GULP1: variants seen among roughly 807,000 people sequenced by gnomAD.
GULP1 encodes GULP PTB domain containing engulfment adaptor 1.
In GULP1, 19 loss-of-function variants were observed where a neutral mutation model predicts 40.9. That is an observed-to-expected ratio of 0.46 (90% CI 0.32 to 0.68). The LOEUF is 0.68. GULP1 is among the 30% of genes least tolerant of loss of function. GULP1 has a pLI of 0.03. For synonymous variants in GULP1, 119 were observed against 117.6 expected (o/e 1.01, Z -0.08); for missense variants, 312 against 362.2 (o/e 0.86, Z 1.12).
intron 1 of GULP1, among the ~76,000 whole-genome samples, chr2:188,311,626 CA>C (rs2038120011): frequency 6.6e-6 from 1 of 151,502 alleles, no homozygotes; most frequent in Non-Finnish European, 1.5e-5. Context: ...CCAATTTTAA[CA>C]AAATTGATTT....
chr2:188,339,010 A>G (rs1456260997), intron 1 of GULP1, among the ~76,000 whole-genome samples: 1 of 152,196 alleles, frequency 6.6e-6, no homozygotes, highest in Non-Finnish European at 1.5e-5. Flanking sequence ...GATGACTACT[A>G]GCAAAGAAAA....
At chr2:188,520,394 G>A (rs905765334) in intron 4 of GULP1, among the ~76,000 whole-genome samples, 1 of 151,922 alleles carries the variant, frequency 6.6e-6, no homozygotes, top group African/African-American at 2.4e-5. Context: ...AAATTACATG[G>A]GCGTGGTGGC....
At chr2:188,315,856 C>T (rs184289250) in intron 1 of GULP1, among the ~76,000 whole-genome samples, 1 of 152,154 alleles carries the variant, frequency 6.6e-6, no homozygotes, top group South Asian at 2.1e-4. Context: ...CTCTCTCGGT[C>T]TCTCAAAATA....
intron 2 of GULP1, among the ~76,000 whole-genome samples, chr2:188,475,077 C>T (rs376934882): frequency 2.0e-4 from 31 of 152,202 alleles, no homozygotes; most frequent in African/African-American, 7.0e-4. Context: ...CCTAGTGTCA[C>T]GTATTGTATT....
chr2:188,293,729 A>G (rs2034311425), intron 1 of GULP1: 1 of 152,204 alleles, frequency 6.6e-6, no homozygotes, highest in African/African-American at 2.4e-5. Context: ...CTGCATAATT[A>G]AAGGTCTCCT....
intron 2 of GULP1, among the ~76,000 whole-genome samples, chr2:188,417,507 AT>A (rs1434669676): frequency 2.6e-5 from 4 of 152,236 alleles, no homozygotes; most frequent in African/African-American, 4.8e-5. Context: ...CAGGAAAAAA[AT>A]ATATCACTAT....
At chr2:188,571,682 C>T (rs991757077) in intron 9 of GULP1, among the ~76,000 whole-genome samples, 3 of 152,204 alleles carry the variant, frequency 2.0e-5, no homozygotes, top group African/African-American at 7.2e-5. Flanking sequence ...CATTATTCAA[C>T]CTTCCATCCC....
chr2:188,595,112 A>G lies in GULP1; in HGVS notation c.*1101A>G, dbSNP rs1306202915. The G allele has an allele frequency of 6.6e-6, 1 of 150,834 alleles. No homozygotes were observed. The highest frequency in any genetic ancestry group is 6.6e-5 in the Admixed American group (1 of 15,086). The allele number at this position is 150,834 out of a possible 1,614,324, so 9.3% of individuals were successfully genotyped here. On this transcript the variant is annotated 3_prime_UTR_variant, in exon 12 of 12. Coordinates refer to ENST00000409830, the MANE Select transcript of GULP1 (RefSeq NM_016315.4). ...CTCAGTTTAGTCTTGAACATGAGCAATAAAATTCTCTTGCATTTCATTATT... is the reference window on the plus strand; with the variant it reads ...CTCAGTTTAGTCTTGAACATGAGCAGTAAAATTCTCTTGCATTTCATTATT...
intron 2 of GULP1, among the ~76,000 whole-genome samples, chr2:188,406,321 G>A (rs891255005): frequency 1.3e-5 from 2 of 152,132 alleles, no homozygotes; most frequent in Non-Finnish European, 2.9e-5. Flanking sequence ...AAGAGGTACA[G>A]TGAAAATACT....
Position 188,480,351 on chromosome 2 carries a change from T to C in GULP1, c.28+2621T>C, listed in dbSNP as rs569807572. Among the ~76,000 whole-genome samples, 8 of 152,134 alleles carry C rather than the reference T, an allele frequency of 5.3e-5. 1 individual carries two copies. The South Asian group carries it at 1.5e-3, about 28-fold the overall frequency. Reference sequence around the variant, plus strand: ...ATCAGTAAAAGCTTATCTCTTTATTTCATAGATACCCAATATACTTGGCCA... The same window carrying C: ...ATCAGTAAAAGCTTATCTCTTTATTCCATAGATACCCAATATACTTGGCCA... On this transcript the variant is annotated intron_variant, in intron 3 of 11. Coordinates refer to ENST00000409830, the MANE Select transcript of GULP1 (RefSeq NM_016315.4).
At chr2:188,368,384 C>T (rs1429071823) in intron 1 of GULP1, among the ~76,000 whole-genome samples, 2 of 151,986 alleles carry the variant, frequency 1.3e-5, no homozygotes, top group Non-Finnish European at 2.9e-5. Flanking sequence ...AGTTCGAGAC[C>T]AGCCTGATCA....
chr2:188,572,332 T>G (rs1272571969), intron 9 of GULP1, among the ~76,000 whole-genome samples: 1 of 152,200 alleles, frequency 6.6e-6, no homozygotes, highest in Non-Finnish European at 1.5e-5. Context: ...TAGCTATGTT[T>G]TAAAATGAAT....
intron 11 of GULP1, chr2:188,588,749 T>C (rs1702921328): frequency 6.6e-6 from 1 of 152,102 alleles, no homozygotes; most frequent in Middle Eastern, 3.2e-3. Flanking sequence ...TATTTTTGTT[T>C]ATTAGTCTTG....
intron 4 of GULP1, among the ~76,000 whole-genome samples, chr2:188,485,884 G>A (rs1476653375): frequency 6.6e-6 from 1 of 151,930 alleles, no homozygotes; most frequent in Non-Finnish European, 1.5e-5. Context: ...CAATTCACTG[G>A]ATCTGGCTCA....
chr2:188,550,507 G>A (rs1693178840), intron 7 of GULP1, among the ~76,000 whole-genome samples: 1 of 151,204 alleles, frequency 6.6e-6, no homozygotes, highest in Non-Finnish European at 1.5e-5. Flanking sequence ...TTAAAGAGTA[G>A]CCCCAATAAA....
rs866322448 is a variant in GULP1, at chr2:188,553,106, C to T, written c.399+11788C>T. On this transcript the variant is annotated intron_variant, in intron 7 of 11. Coordinates refer to ENST00000409830, the MANE Select transcript of GULP1 (RefSeq NM_016315.4). The stretch of plus-strand genomic sequence containing the variant: ...TTTTTTATGGAGCAATTAGGTTTTT[C>T]TAGATATAAGATCATATCAGCAAAG... Among the ~76,000 whole-genome samples, 3 of 151,810 alleles carry T rather than the reference C, an allele frequency of 2.0e-5. No homozygotes were observed. The South Asian group carries it at 6.2e-4, about 31-fold the overall frequency.
chr2:188,299,158 G>A (rs2035638799), intron 1 of GULP1, among the ~76,000 whole-genome samples: 1 of 141,706 alleles, frequency 7.1e-6, no homozygotes, highest in Non-Finnish European at 1.6e-5. Context: ...GGATGACTAA[G>A]GACAGAGCAG....
chr2:188,481,912 G>A (rs192788040), intron 3 of GULP1, among the ~76,000 whole-genome samples: 3 of 151,984 alleles, frequency 2.0e-5, no homozygotes, highest in Admixed American at 6.6e-5. Context: ...CCAAATCTAA[G>A]TGCAAATTAT....
At chr2:188,300,611 C>T (rs1316694993) in intron 1 of GULP1, among the ~76,000 whole-genome samples, 1 of 152,024 alleles carries the variant, frequency 6.6e-6, no homozygotes, top group Non-Finnish European at 1.5e-5. Flanking sequence ...GCTATATTCC[C>T]TTCTTTTTGC....
Sources: allele counts gnomAD v4.1 joint callset (sites outside exome capture counted in the v4.1 genomes callset), GRCh38; gene constraint gnomAD v4.1.1; transcripts MANE v1.5; gene names NCBI Gene and HGNC (gene_info 2026-07-23, HGNC 2026-07-21).